KIAA1549L: variants seen among roughly 807,000 people sequenced by gnomAD.
KIAA1549L encodes the protein UPF0606 protein KIAA1549L.
Under a neutral mutation model 160.7 loss-of-function variants are expected in KIAA1549L, and 88 were observed. The observed-to-expected ratio is 0.55, with a 90% CI of 0.46 to 0.65. The LOEUF (loss-of-function observed/expected upper bound fraction) is 0.65, where lower values mean the gene tolerates loss of function less well. Among genes scored for constraint, KIAA1549L ranks in the 30% least tolerant of loss-of-function variants. KIAA1549L has a pLI of 0.00. For missense variants in KIAA1549L, 2,258 were observed against 2,437.5 expected (o/e 0.93, Z 1.55); for synonymous variants, 950 against 976.7 (o/e 0.97, Z 0.51).
At chr11:33,492,846 A>C (rs752208862) in intron 1 of KIAA1549L, among the ~76,000 whole-genome samples, 1 of 148,478 alleles carries the variant, frequency 6.7e-6, no homozygotes, top group Non-Finnish European at 1.5e-5. Context: ...GGTAGATCTC[A>C]GCGCTGTTTG....
chr11:33,602,032 A>G (rs1209580705), intron 13 of KIAA1549L, among the ~76,000 whole-genome samples: 1 of 152,242 alleles, frequency 6.6e-6, no homozygotes, highest in African/African-American at 2.4e-5. Flanking sequence ...TTTAATAGGA[A>G]AGAGTTAAAA....
chr11:33,406,176 A>C (rs1003275786), intron 1 of KIAA1549L, among the ~76,000 whole-genome samples: 2 of 152,220 alleles, frequency 1.3e-5, no homozygotes, highest in South Asian at 2.1e-4. Flanking sequence ...GTTGTTGTGA[A>C]TATAACAAAG....
intron 16 of KIAA1549L, among the ~76,000 whole-genome samples, chr11:33,642,688 C>T (rs138615797): frequency 1.4e-5 from 2 of 140,904 alleles, no homozygotes; most frequent in Non-Finnish European, 1.5e-5. Context: ...AGCAGGTAAT[C>T]GGAATGAGTC....
Position 33,542,359 on chromosome 11 carries a change from C to T in KIAA1549L, c.796C>T (p.Gln266Ter). 2 of 908,704 alleles carry T rather than the reference C, an allele frequency of 2.2e-6. No individual in the cohort carries two copies. Among genetic ancestry groups the T allele is most frequent in the Non-Finnish European group, 3.4e-6 (2 of 593,162 alleles). 56.3% of individuals were successfully genotyped at this position (908,704 alleles called of 1,614,324 possible). A position where few individuals can be genotyped will look rare whatever the true frequency, so the allele number is the denominator to read the frequency against. Residue 266 changes from glutamine (Q) to a stop codon, truncating the protein, a stop_gained, in exon 2 of 21, where the codon CAA (glutamine) becomes TAA (stop). Transcript: ENST00000658780. LOFTEE classifies it high-confidence loss of function. ...TTCCATCATCTCTGAGCCAGCAGAG[C>T]AATCCCCCAAAGTGCTGTTAGTTCC... ...PHSIISEPAE[Q>*]SPKVLLVPQT...
At chr11:33,618,700 T>C (rs1333871398) in intron 16 of KIAA1549L, 38 bp downstream of exon 16, 11 of 1,513,438 alleles carry the variant, frequency 7.3e-6, no homozygotes, top group African/African-American at 1.4e-5. Context: ...CAAGCTTTCC[T>C]TTCCCCTGAA....
At chr11:33,449,341 G>A (rs1164993133) in intron 1 of KIAA1549L, among the ~76,000 whole-genome samples, 2 of 151,860 alleles carry the variant, frequency 1.3e-5, no homozygotes, top group African/African-American at 4.8e-5. Flanking sequence ...CTATTATGGT[G>A]GATTGAGTGA....
At chr11:33,639,854 C>T (rs1292013148) in intron 16 of KIAA1549L, among the ~76,000 whole-genome samples, 1 of 152,082 alleles carries the variant, frequency 6.6e-6, no homozygotes, top group Non-Finnish European at 1.5e-5. Context: ...ATGCAAAGTT[C>T]TAAACACAAG....
Position 33,646,027 on chromosome 11 carries a change from G to C in KIAA1549L, c.5751G>C (p.Leu1917=). ...GCCCAGAAATGTATCAGTACAGTCT[G>C]CCCCGGCCGGTAAGTCATTCATTCC... ...TYRPEMYQYS[L]PRPAYRFSQL... The change falls in exon 17 of 21, where the codon CTG becomes CTC. Residue 1917 remains leucine (L), a synonymous_variant. Coordinates refer to ENST00000658780, the MANE Select transcript of KIAA1549L (RefSeq NM_012194.3). The C allele has an allele frequency of 6.4e-7, 1 of 1,563,110 alleles. No homozygotes were observed. Among genetic ancestry groups the C allele is most frequent in the Non-Finnish European group, 8.7e-7 (1 of 1,152,932 alleles).
chr11:33,491,427 C>G (rs1016204131), intron 1 of KIAA1549L, among the ~76,000 whole-genome samples: 3 of 152,080 alleles, frequency 2.0e-5, no homozygotes, highest in African/African-American at 7.2e-5. Context: ...GAAGAAGGGG[C>G]TTATGTACAC....
At chr11:33,643,195 G>GAAA (rs1851633155) in intron 16 of KIAA1549L, among the ~76,000 whole-genome samples, 2 of 152,126 alleles carry the variant, frequency 1.3e-5, no homozygotes. Context: ...GGATCATGGG[G>GAAA]TAGGTGGCAG....
intron 1 of KIAA1549L, among the ~76,000 whole-genome samples, chr11:33,391,557 A>G (rs750931842): frequency 1.4e-4 from 22 of 152,200 alleles, no homozygotes; most frequent in Non-Finnish European, 2.6e-4. Context: ...ACAGATCTCA[A>G]GGCCTGTCTG....
rs374884953 is a variant in KIAA1549L, at chr11:33,598,890, C to T, written c.4822C>T (p.Pro1608Ser). The T allele has an allele frequency of 1.2e-6, 2 of 1,613,888 alleles. No individual in the cohort carries two copies. Among genetic ancestry groups the T allele is most frequent in the Non-Finnish European group, 1.7e-6 (2 of 1,179,828 alleles). Reference sequence around the variant, plus strand: ...GAAGCCCAGCTCAGGGAGACGCTCACCCCAGAATGTAATGGCACAGCAGAA... The same window carrying T: ...GAAGCCCAGCTCAGGGAGACGCTCATCCCAGAATGTAATGGCACAGCAGAA... ...SGKPSSGRRS[P>S]QNVMAQQKVT... Residue 1608 changes from proline to serine, a missense_variant, in exon 13 of 21, where the codon CCC becomes TCC. Around this residue, in one of 6 missense-constraint regions of KIAA1549L, gnomAD observed 1,359 missense variants for 1,546.6 expected, o/e 0.88. Coordinates refer to ENST00000658780, the MANE Select transcript of KIAA1549L (RefSeq NM_012194.3).
At chr11:33,624,099 A>G (rs934466636) in intron 16 of KIAA1549L, among the ~76,000 whole-genome samples, 1 of 152,170 alleles carries the variant, frequency 6.6e-6, no homozygotes, top group African/African-American at 2.4e-5. Flanking sequence ...AAGTTGGGCT[A>G]TGGTACAGAC....
intron 16 of KIAA1549L, among the ~76,000 whole-genome samples, chr11:33,621,473 C>T (rs1243536069): frequency 1.3e-5 from 2 of 152,294 alleles, no homozygotes; most frequent in East Asian, 3.9e-4. Context: ...GCTCCAAACT[C>T]CCAAAAGACC....
chr11:33,511,038 T>A (rs150529056), intron 1 of KIAA1549L, among the ~76,000 whole-genome samples: 2 of 152,356 alleles, frequency 1.3e-5, no homozygotes, highest in East Asian at 3.9e-4. Flanking sequence ...CCTCAGAAGC[T>A]GGAAGGCTAA....
At chr11:33,614,599 T>A (rs1355223799) in intron 15 of KIAA1549L, among the ~76,000 whole-genome samples, 34 of 59,934 alleles carry the variant, frequency 5.7e-4, no homozygotes, top group Non-Finnish European at 8.2e-4. Context: ...TTTTTTTTTT[T>A]TTTTTTTTTT....
chr11:33,636,173 G>A (rs1309533263), intron 16 of KIAA1549L, among the ~76,000 whole-genome samples: 1 of 152,106 alleles, frequency 6.6e-6, no homozygotes, highest in African/African-American at 2.4e-5. Context: ...TTGTGTTCAG[G>A]TAACCCTTAT....
chr11:33,454,780 C>T (rs1356600560), intron 1 of KIAA1549L, among the ~76,000 whole-genome samples: 1 of 152,136 alleles, frequency 6.6e-6, no homozygotes, highest in Non-Finnish European at 1.5e-5. Context: ...ATTGCCGCTT[C>T]AAAATAAGTT....
chr11:33,669,466 A>T lies in KIAA1549L; in HGVS notation c.*1312A>T, dbSNP rs1394157526. ...GCTACTGACTTTGTGTAGCAGGGAG[A>T]TTGGGGACTCTGGTTCCCTCGCCAA... On this transcript the variant is annotated 3_prime_UTR_variant, in exon 21 of 21. Coordinates refer to ENST00000658780, the MANE Select transcript of KIAA1549L (RefSeq NM_012194.3). The T allele has an allele frequency of 1.3e-5, 2 of 152,236 alleles. No individual in the cohort carries two copies. Among genetic ancestry groups the T allele is most frequent in the Admixed American group, 6.5e-5 (1 of 15,280 alleles). 9.4% of individuals were successfully genotyped at this position (152,236 alleles called of 1,614,324 possible).
Sources: allele counts gnomAD v4.1 joint callset (sites outside exome capture counted in the v4.1 genomes callset), GRCh38; gene constraint gnomAD v4.1.1; regional missense constraint gnomAD v4.1.1; transcripts MANE v1.5; gene names NCBI Gene and HGNC (gene_info 2026-07-23, HGNC 2026-07-21).